Variants in SPMIP2 observed in about 807,000 individuals in gnomAD.
SPMIP2 encodes protein SPMIP2.
At chr4:159,080,317 C>T in the SPMIP2 span, among the ~76,000 whole-genome samples, 193 of 152,144 alleles carry the variant, frequency 1.3e-3, no homozygotes, top group African/African-American at 4.4e-3. Context: ...CCTGGGTTCA[C>T]GTGATCCTCC....
At chr4:158,981,380 G>A in the SPMIP2 span, among the ~76,000 whole-genome samples, 1 of 152,090 alleles carries the variant, frequency 6.6e-6, no homozygotes, top group African/African-American at 2.4e-5. Flanking sequence ...TCCTTGAGAA[G>A]AGCAACCCCA....
chr4:159,034,850 C>G, the SPMIP2 span, among the ~76,000 whole-genome samples: 1 of 151,602 alleles, frequency 6.6e-6, no homozygotes, highest in Non-Finnish European at 1.5e-5. Context: ...GAGATCGCGC[C>G]ATTGTACTCT....
chr4:158,905,208 TG>T, the SPMIP2 span: 1 of 152,440 alleles, frequency 6.6e-6, no homozygotes, highest in African/African-American at 2.4e-5. Context: ...GATGCAGCCA[TG>T]GGTAGGTCAG....
the SPMIP2 span, among the ~76,000 whole-genome samples, chr4:158,987,815 C>G: frequency 2.0e-5 from 3 of 151,666 alleles, no homozygotes. Flanking sequence ...AATTGACACC[C>G]TAACATCACA....
the SPMIP2 span, among the ~76,000 whole-genome samples, chr4:159,009,999 A>C: frequency 6.6e-6 from 1 of 152,134 alleles, no homozygotes; most frequent in Non-Finnish European, 1.5e-5. Context: ...TCACAAAAAA[A>C]CAAAAACAAA....
the SPMIP2 span, among the ~76,000 whole-genome samples, chr4:159,027,795 T>C: frequency 6.6e-6 from 1 of 152,236 alleles, no homozygotes; most frequent in African/African-American, 2.4e-5. Context: ...TGCTGGCTAA[T>C]GGAGCAATAC....
the SPMIP2 span, among the ~76,000 whole-genome samples, chr4:159,019,022 G>A: frequency 6.6e-6 from 1 of 152,122 alleles, no homozygotes; most frequent in Non-Finnish European, 1.5e-5. Flanking sequence ...CCCAGGAGGC[G>A]GAGCTTGCGG....
chr4:159,033,591 T>G, the SPMIP2 span, among the ~76,000 whole-genome samples: 4 of 152,154 alleles, frequency 2.6e-5, no homozygotes, highest in Admixed American at 1.3e-4. Flanking sequence ...TAAGTAACTT[T>G]GGAAATGAAT....
the SPMIP2 span, among the ~76,000 whole-genome samples, chr4:158,987,546 G>A: frequency 4.9e-3 from 738 of 151,884 alleles, 5 homozygotes; most frequent in African/African-American, 0.016. Context: ...ACCAAACACC[G>A]CATGTTCTCA....
chr4:159,078,296 A>C, the SPMIP2 span, among the ~76,000 whole-genome samples: 2 of 152,190 alleles, frequency 1.3e-5, no homozygotes, highest in African/African-American at 4.8e-5. Context: ...ATCTCCAATA[A>C]ATATCCCTTA....
At chr4:158,903,251 C>T in the SPMIP2 span, among the ~76,000 whole-genome samples, 14 of 152,260 alleles carry the variant, frequency 9.2e-5, no homozygotes, top group East Asian at 2.5e-3. Context: ...AACCCTTGCA[C>T]TTCCCGAGTA....
the SPMIP2 span, among the ~76,000 whole-genome samples, chr4:159,019,358 A>G: frequency 1.3e-5 from 2 of 150,462 alleles, no homozygotes; most frequent in Non-Finnish European, 2.9e-5. Context: ...GTCACCTCTC[A>G]TAATTGCACA....
chr4:158,914,283 G>A, the SPMIP2 span, among the ~76,000 whole-genome samples: 1 of 152,054 alleles, frequency 6.6e-6, no homozygotes, highest in Admixed American at 6.5e-5. Context: ...TTTTCAATAC[G>A]AAGTATTCCT....
the SPMIP2 span, among the ~76,000 whole-genome samples, chr4:158,955,798 T>C: frequency 2.6e-5 from 4 of 152,224 alleles, no homozygotes; most frequent in Non-Finnish European, 4.4e-5. Flanking sequence ...TAAACAACTA[T>C]ATAAAATGCA....
the SPMIP2 span, among the ~76,000 whole-genome samples, chr4:158,946,527 CT>C: frequency 2.6e-5 from 4 of 152,164 alleles, no homozygotes; most frequent in African/African-American, 9.7e-5. Context: ...CACCTCCCCC[CT>C]GCCCCTTCTG....
the SPMIP2 span, among the ~76,000 whole-genome samples, chr4:159,018,818 C>T: frequency 6.6e-6 from 1 of 152,132 alleles, no homozygotes; most frequent in Non-Finnish European, 1.5e-5. Flanking sequence ...AGGCTGGGCA[C>T]AGTGGCTCAC....
At chr4:158,947,115 G>C in the SPMIP2 span, among the ~76,000 whole-genome samples, 1 of 152,074 alleles carries the variant, frequency 6.6e-6, no homozygotes. Context: ...CAGACCTAAG[G>C]GGCCAAAGTA....
At chr4:159,071,320 C>G in the SPMIP2 span, among the ~76,000 whole-genome samples, 1 of 152,072 alleles carries the variant, frequency 6.6e-6, no homozygotes, top group African/African-American at 2.4e-5. Context: ...TAAAAGGTGG[C>G]TGGTAGAACC....
chr4:159,064,473 C>G, the SPMIP2 span: 1 of 152,046 alleles, frequency 6.6e-6, no homozygotes, highest in Non-Finnish European at 1.5e-5. Context: ...AATCACATTT[C>G]CGATGTCAGT....
Sources: allele counts gnomAD v4.1 joint callset (sites outside exome capture counted in the v4.1 genomes callset), GRCh38; gene constraint gnomAD v4.1.1; transcripts MANE v1.5; gene names NCBI Gene and HGNC (gene_info 2026-07-23, HGNC 2026-07-21).